QTMAN: variants seen among roughly 807,000 people sequenced by gnomAD.
QTMAN encodes tRNA-queuosine alpha-mannosyltransferase.
At chr2:144,302,549 G>A in the QTMAN span, among the ~76,000 whole-genome samples, 4 of 152,140 alleles carry the variant, frequency 2.6e-5, no homozygotes, top group South Asian at 2.1e-4. Context: ...AAAGCCACAC[G>A]GAAGATCAGG....
At chr2:144,159,937 A>G in the QTMAN span, among the ~76,000 whole-genome samples, 2 of 152,000 alleles carry the variant, frequency 1.3e-5, no homozygotes, top group South Asian at 4.2e-4. Flanking sequence ...TTCAGGCTAT[A>G]TTTTTTTAGG....
the QTMAN span, chr2:143,945,092 GAC>G: frequency 6.3e-4 from 96 of 152,248 alleles, no homozygotes; most frequent in African/African-American, 2.2e-3. Context: ...TGTCATCTGT[GAC>G]ACAGCAACTG....
the QTMAN span, among the ~76,000 whole-genome samples, chr2:144,044,916 T>G: frequency 6.6e-6 from 1 of 152,234 alleles, no homozygotes; most frequent in Non-Finnish European, 1.5e-5. Flanking sequence ...CTAGAGCAAG[T>G]ACAAATGTTT....
the QTMAN span, among the ~76,000 whole-genome samples, chr2:144,062,678 T>C: frequency 3.3e-5 from 5 of 152,210 alleles, no homozygotes; most frequent in African/African-American, 1.2e-4. Flanking sequence ...GTCGACTTTA[T>C]TAACAACAGA....
chr2:144,137,177 T>G, the QTMAN span, among the ~76,000 whole-genome samples: 1 of 152,170 alleles, frequency 6.6e-6, no homozygotes, highest in Admixed American at 6.6e-5. Flanking sequence ...TTGCTGTCAT[T>G]TATAACTTCT....
At chr2:144,150,703 C>T in the QTMAN span, among the ~76,000 whole-genome samples, 372 of 152,138 alleles carry the variant, frequency 2.4e-3, 4 homozygotes, top group Non-Finnish European at 4.3e-3. Context: ...ATGAATTTCA[C>T]CTACCCAGCT....
the QTMAN span, among the ~76,000 whole-genome samples, chr2:144,077,671 C>A: frequency 6.6e-6 from 1 of 151,926 alleles, no homozygotes. Flanking sequence ...ATGTATGTGC[C>A]TGTGTGTTGT....
At chr2:144,221,566 C>G in the QTMAN span, among the ~76,000 whole-genome samples, 1 of 152,160 alleles carries the variant, frequency 6.6e-6, no homozygotes, top group African/African-American at 2.4e-5. Flanking sequence ...TTGTTTTCCT[C>G]TTTGTGCTTC....
At chr2:144,237,830 T>G in the QTMAN span, among the ~76,000 whole-genome samples, 2 of 152,186 alleles carry the variant, frequency 1.3e-5, no homozygotes, top group Non-Finnish European at 1.5e-5. Flanking sequence ...TATTACAGCT[T>G]CTTCCTTACT....
At chr2:144,098,437 G>A in the QTMAN span, among the ~76,000 whole-genome samples, 18 of 152,078 alleles carry the variant, frequency 1.2e-4, no homozygotes, top group African/African-American at 3.1e-4. Context: ...AGTCAAGGCC[G>A]GGTGCAGTGG....
chr2:144,094,231 C>T, the QTMAN span, among the ~76,000 whole-genome samples: 1 of 152,106 alleles, frequency 6.6e-6, no homozygotes, highest in Non-Finnish European at 1.5e-5. Flanking sequence ...TAAGGAAATA[C>T]TTTTTGATCA....
At chr2:144,093,237 C>G in the QTMAN span, among the ~76,000 whole-genome samples, 1 of 152,144 alleles carries the variant, frequency 6.6e-6, no homozygotes, top group Admixed American at 6.5e-5. Flanking sequence ...ATAATGCATA[C>G]AATCAAGAGC....
At chr2:144,109,724 G>C in the QTMAN span, among the ~76,000 whole-genome samples, 2 of 151,634 alleles carry the variant, frequency 1.3e-5, no homozygotes, top group East Asian at 1.9e-4. Flanking sequence ...CCAAAAAGTA[G>C]GCAAAGGATA....
the QTMAN span, among the ~76,000 whole-genome samples, chr2:144,284,541 GGT>G: frequency 1.9e-3 from 290 of 152,056 alleles, 1 homozygote; most frequent in African/African-American, 6.5e-3. Context: ...ATGGAATCAT[GGT>G]GATTTGTTTC....
At chr2:144,268,033 T>C in the QTMAN span, among the ~76,000 whole-genome samples, 3 of 152,138 alleles carry the variant, frequency 2.0e-5, no homozygotes, top group South Asian at 6.2e-4. Flanking sequence ...CCAATATTGG[T>C]AGTATTGGAG....
At chr2:144,180,532 A>G in the QTMAN span, among the ~76,000 whole-genome samples, 9 of 152,226 alleles carry the variant, frequency 5.9e-5, no homozygotes, top group African/African-American at 1.7e-4. Flanking sequence ...CTCAAACAGT[A>G]AAGATGGTAT....
At chr2:144,202,180 T>C in the QTMAN span, among the ~76,000 whole-genome samples, 1 of 152,078 alleles carries the variant, frequency 6.6e-6, no homozygotes, top group South Asian at 2.1e-4. Context: ...GTTGGCCAAA[T>C]GTGACCCCAA....
chr2:144,021,528 G>A, the QTMAN span, among the ~76,000 whole-genome samples: 2 of 152,086 alleles, frequency 1.3e-5, no homozygotes, highest in South Asian at 2.1e-4. Context: ...TAGAACAAAC[G>A]GGAGCAAGAG....
the QTMAN span, among the ~76,000 whole-genome samples, chr2:143,951,828 C>T: frequency 6.6e-6 from 1 of 151,478 alleles, no homozygotes; most frequent in African/African-American, 2.4e-5. Context: ...AACTGGCATC[C>T]AGTTTAATTA....
Sources: gnomAD v4.1 joint callset for allele counts (sites outside exome capture counted in the v4.1 genomes callset) on GRCh38, gnomAD v4.1.1 for gene constraint, MANE v1.5 for transcripts, NCBI Gene and HGNC (gene_info 2026-07-23, HGNC 2026-07-21) for gene names.